FUT8: variants seen among roughly 807,000 people sequenced by gnomAD.
FUT8 encodes alpha-(1,6)-fucosyltransferase.
FUT8 carries 29 observed loss-of-function variants against 71.3 expected under a neutral mutation model. The ratio of observed to expected loss-of-function variants is 0.41; its 90% confidence interval spans 0.30 to 0.55. The LOEUF (loss-of-function observed/expected upper bound fraction) is 0.55. Among genes scored for constraint, FUT8 ranks in the 20% least tolerant of loss-of-function variants. The pLI is 0.34. For missense variants in FUT8, 544 were observed against 702.1 expected (o/e 0.77, Z 2.55); for synonymous variants, 254 against 239.3 (o/e 1.06, Z -0.57).
chr14:65,471,559 A>G (rs918690061), intron 2 of FUT8, among the ~76,000 whole-genome samples: 2 of 152,010 alleles, frequency 1.3e-5, no homozygotes, highest in African/African-American at 4.8e-5. Flanking sequence ...AAGCTAGTCC[A>G]CAATTACTGT....
At position 65,685,141 on chromosome 14, in the gene FUT8, C is replaced by T. The variant is rs1404945980; in HGVS notation, c.835+15661C>T. Reference sequence around the variant, plus strand: ...AGAAAGAAATAGGAAGATAAAAGCTCACACTTAAAACAAACAAACAAACGA... The same window carrying T: ...AGAAAGAAATAGGAAGATAAAAGCTTACACTTAAAACAAACAAACAAACGA... On this transcript the variant is annotated intron_variant, in intron 7 of 10. Coordinates refer to ENST00000673929, the MANE Select transcript of FUT8 (RefSeq NM_001371533.1). 1.8e-4 allele frequency among the ~76,000 whole-genome samples: 28 copies of T among 152,034 alleles called. 1 individual carries two copies. The highest frequency in any genetic ancestry group is 1.8e-3 in the Admixed American group (28 of 15,248).
chr14:65,613,465 GA>G (rs1889113886), intron 3 of FUT8, among the ~76,000 whole-genome samples: 1 of 152,146 alleles, frequency 6.6e-6, no homozygotes, highest in Non-Finnish European at 1.5e-5. Context: ...CCTCATTTGT[GA>G]ATGTATGCGT....
At chr14:65,711,774 T>C (rs1894821317) in intron 7 of FUT8, among the ~76,000 whole-genome samples, 1 of 152,138 alleles carries the variant, frequency 6.6e-6, no homozygotes, top group Non-Finnish European at 1.5e-5. Flanking sequence ...GCAACAAATG[T>C]CATGTTTCAA....
At chr14:65,613,737 A>G (rs1889128574) in intron 3 of FUT8, among the ~76,000 whole-genome samples, 1 of 152,174 alleles carries the variant, frequency 6.6e-6, no homozygotes, top group African/African-American at 2.4e-5. Flanking sequence ...TAGGTAATTG[A>G]CAGTTAATTT....
At chr14:65,433,419 T>C (rs949204053) in intron 1 of FUT8, among the ~76,000 whole-genome samples, 1 of 152,234 alleles carries the variant, frequency 6.6e-6, no homozygotes, top group Non-Finnish European at 1.5e-5. Context: ...GTGTGCTATG[T>C]GTTTGTTGTC....
intron 1 of FUT8, among the ~76,000 whole-genome samples, chr14:65,430,991 T>A (rs1462717057): frequency 9.3e-6 from 1 of 108,070 alleles, no homozygotes; most frequent in East Asian, 2.2e-4. Flanking sequence ...TTTCTACTAA[T>A]TTTTTTTTTT....
chr14:65,717,194 G>A (rs1895138592), intron 7 of FUT8, among the ~76,000 whole-genome samples: 1 of 132,888 alleles, frequency 7.5e-6, no homozygotes, highest in African/African-American at 2.9e-5. Context: ...GGGGCGGCCG[G>A]GCAGAGGCGC....
chr14:65,583,687 G>A (rs975571446), intron 3 of FUT8, among the ~76,000 whole-genome samples: 2 of 151,116 alleles, frequency 1.3e-5, no homozygotes, highest in Non-Finnish European at 2.9e-5. Context: ...AATTAATTTA[G>A]CATCTATAGT....
At chr14:65,453,582 A>G (rs2065857325) in intron 1 of FUT8, among the ~76,000 whole-genome samples, 1 of 152,078 alleles carries the variant, frequency 6.6e-6, no homozygotes, top group East Asian at 1.9e-4. Context: ...TCTTTATTCT[A>G]GGGCAAATTT....
At chr14:65,723,806 C>T (rs1218890837) in intron 8 of FUT8, among the ~76,000 whole-genome samples, 2 of 152,138 alleles carry the variant, frequency 1.3e-5, no homozygotes, top group Non-Finnish European at 2.9e-5. Context: ...AAGTTGTATT[C>T]AGTTTTTTTC....
At chr14:65,390,321 CAAAA>C in the FUT8 span, among the ~76,000 whole-genome samples, 1 of 73,446 alleles carries the variant, frequency 1.4e-5, no homozygotes, top group Non-Finnish European at 3.0e-5. Context: ...GACTTCGTCT[CAAAA>C]AAAAAAAAAA....
intron 2 of FUT8, among the ~76,000 whole-genome samples, chr14:65,492,387 G>C (rs537884444): frequency 5.3e-5 from 8 of 152,264 alleles, no homozygotes; most frequent in Admixed American, 2.6e-4. Flanking sequence ...ACTAAGTTTT[G>C]GCCAATCAAA....
At chr14:65,373,152 T>C in the FUT8 span, among the ~76,000 whole-genome samples, 5 of 151,936 alleles carry the variant, frequency 3.3e-5, no homozygotes, top group African/African-American at 1.2e-4. Flanking sequence ...CCTGGGATCT[T>C]AGTCAACTGT....
At chr14:65,623,543 A>C (rs1282097348) in intron 5 of FUT8, among the ~76,000 whole-genome samples, 2 of 151,938 alleles carry the variant, frequency 1.3e-5, no homozygotes, top group Non-Finnish European at 2.9e-5. Flanking sequence ...ACATGGTGAA[A>C]TCCCATCTCT....
chr14:65,404,782 C>T, the FUT8 span, among the ~76,000 whole-genome samples: 1 of 152,172 alleles, frequency 6.6e-6, no homozygotes, highest in Admixed American at 6.5e-5. Flanking sequence ...GCCGGCCTTG[C>T]TCCTTTTTAT....
intron 3 of FUT8, among the ~76,000 whole-genome samples, chr14:65,578,834 GC>G (rs1317205096): frequency 1.3e-5 from 2 of 152,094 alleles, no homozygotes; most frequent in Admixed American, 6.6e-5. Flanking sequence ...AGCACACTAT[GC>G]TTTTCTTGTT....
At chr14:65,480,412 CTTAGG>C (rs2066312712) in intron 2 of FUT8, among the ~76,000 whole-genome samples, 1 of 149,510 alleles carries the variant, frequency 6.7e-6, no homozygotes, top group Admixed American at 6.8e-5. Context: ...CCTCCCCAGG[CTTAGG>C]TGATCCTCCC....
chr14:65,486,401 T>G (rs915256205), intron 2 of FUT8, among the ~76,000 whole-genome samples: 1 of 152,214 alleles, frequency 6.6e-6, no homozygotes, highest in Non-Finnish European at 1.5e-5. Context: ...GTACAATTGT[T>G]TTAACTGTAA....
rs2066073323 is a variant in FUT8 at position 65,468,070 on chromosome 14, G to GT, written c.-228+12355dup. On this transcript the variant is annotated intron_variant, in intron 2 of 10. Transcript: ENST00000673929. ...CCCTTAACTTGTTTGTTGACAAGTTGTTTACAATACCAACAGCATGCTGAG... is the reference window on the plus strand; with the variant it reads ...CCCTTAACTTGTTTGTTGACAAGTTGTTTTACAATACCAACAGCATGCTGAG... 6.2e-6 allele frequency: 4 copies of GT among 650,132 alleles called. No homozygotes were observed. The Admixed American group carries it at 8.2e-5, about 13-fold the overall frequency. 40.3% of individuals were successfully genotyped at this position (650,132 alleles called of 1,614,324 possible). A position where few individuals can be genotyped will look rare whatever the true frequency, so the allele number is the denominator to read the frequency against.
Sources: gnomAD v4.1 joint callset for allele counts (sites outside exome capture counted in the v4.1 genomes callset) on GRCh38, gnomAD v4.1.1 for gene constraint, MANE v1.5 for transcripts, NCBI Gene and HGNC (gene_info 2026-07-23, HGNC 2026-07-21) for gene names.